ARID3B: variants seen among roughly 807,000 people sequenced by gnomAD.
ARID3B encodes AT-rich interactive domain-containing protein 3B.
Under a neutral mutation model 51.9 loss-of-function variants are expected in ARID3B, and 10 were observed. That is an observed-to-expected ratio of 0.19 (90% CI 0.12 to 0.33). The LOEUF is 0.33. Among genes scored for constraint, ARID3B ranks in the 10% least tolerant of loss-of-function variants. The pLI is 1.00. For missense variants in ARID3B, 483 were observed against 716.3 expected (o/e 0.67, Z 3.72); for synonymous variants, 205 against 279.5 (o/e 0.73, Z 2.66).
intron 2 of ARID3B, among the ~76,000 whole-genome samples, chr15:74,571,658 C>T (rs543484554): frequency 2.6e-5 from 4 of 152,306 alleles, no homozygotes; most frequent in South Asian, 2.1e-4. Flanking sequence ...AAATAAGATA[C>T]CTTTCCTTTC....
Position 74,543,948 on chromosome 15 carries a change from T to TCAG in ARID3B, c.36_38dup (p.Gln15dup), listed in dbSNP as rs574173186. 27,494 of 1,607,340 alleles carry TCAG rather than the reference T, an allele frequency of 0.017. 185 individuals carry two copies. Among genetic ancestry groups the TCAG allele is most frequent in the Non-Finnish European group, 0.021 (24,267 of 1,176,900 alleles). ...AGCTTGAGGCAAAAATGGAGCCACT[T>TCAG]CAGCAGCAGCAGCAGCAGCAGCAGC... is the stretch of plus-strand genomic sequence containing the variant. On this transcript the variant is annotated inframe_insertion, in exon 2 of 9. Coordinates refer to ENST00000346246, the MANE Select transcript of ARID3B (RefSeq NM_006465.4).
At chr15:74,579,870 T>TGCGCGC (rs1359997035) in intron 4 of ARID3B, among the ~76,000 whole-genome samples, 5 of 121,678 alleles carry the variant, frequency 4.1e-5, no homozygotes, top group African/African-American at 1.7e-4. Flanking sequence ...TGTGTGTGTG[T>TGCGCGC]GTGCGCGCGC....
chr15:74,594,060 AC>A (rs1470842296), intron 8 of ARID3B, among the ~76,000 whole-genome samples: 20 of 151,878 alleles, frequency 1.3e-4, no homozygotes, highest in Admixed American at 2.0e-4. Flanking sequence ...AAAAAAAAAA[AC>A]AAAACTTAAT....
chr15:74,594,404 C>T (rs1463826291), intron 8 of ARID3B, among the ~76,000 whole-genome samples: 3 of 151,974 alleles, frequency 2.0e-5, no homozygotes, highest in East Asian at 3.9e-4. Context: ...GCTGAGATCG[C>T]GCCACTGCAC....
Position 74,543,839 on chromosome 15 carries a change from T to C in ARID3B, c.-77-21T>C, listed in dbSNP as rs2061603593. ...GTTGTTTTTTCCCCCTCCTTCTTTGTGGTTTCTGTTAATCACTAAGGTTTA... is the reference window on the plus strand; with the variant it reads ...GTTGTTTTTTCCCCCTCCTTCTTTGCGGTTTCTGTTAATCACTAAGGTTTA... On this transcript the variant is annotated intron_variant, in intron 1 of 8. Transcript: ENST00000346246. 6 of 1,462,188 alleles carry C rather than the reference T, an allele frequency of 4.1e-6. No homozygotes were observed. The East Asian group carries it at 1.4e-4, about 33-fold the overall frequency. 90.6% of individuals were successfully genotyped at this position (1,462,188 alleles called of 1,614,324 possible). A position where few individuals can be genotyped will look rare whatever the true frequency, so the allele number is the denominator to read the frequency against.
At chr15:74,575,727 G>T (rs921256300) in intron 4 of ARID3B, among the ~76,000 whole-genome samples, 3 of 152,092 alleles carry the variant, frequency 2.0e-5, no homozygotes, top group African/African-American at 7.2e-5. Context: ...GTAAATCTTT[G>T]TCCTGTCTTC....
In ARID3B at chr15:74,596,214, G is replaced by A. The variant is rs1173592147; in HGVS notation, c.*440G>A. ...CTCTTCCCCTGTTTTTAAGTCCCAT[G>A]TGGGGCTGCCAGGAGCCAAGAGCAT... On this transcript the variant is annotated 3_prime_UTR_variant, in exon 9 of 9. Coordinates refer to ENST00000346246, the MANE Select transcript of ARID3B (RefSeq NM_006465.4). 8.3e-6 allele frequency: 2 copies of A among 240,394 alleles called. No individual in the cohort carries two copies. The highest frequency in any genetic ancestry group is 4.4e-5 in the African/African-American group (2 of 45,468). 14.9% of individuals were successfully genotyped at this position (240,394 alleles called of 1,614,324 possible).
At chr15:74,585,156 G>T (rs1341812790) in intron 4 of ARID3B, among the ~76,000 whole-genome samples, 2 of 152,206 alleles carry the variant, frequency 1.3e-5, no homozygotes, top group Non-Finnish European at 2.9e-5. Context: ...GGCATGATGG[G>T]GGTGGAGATT....
chr15:74,591,258 G>T lies in ARID3B; in HGVS notation c.989G>T (p.Ser330Ile). 1 of 1,614,016 alleles carries T rather than the reference G, an allele frequency of 6.2e-7. No homozygotes were observed. Among genetic ancestry groups the T allele is most frequent in the Non-Finnish European group, 8.5e-7 (1 of 1,179,970 alleles). Residue 330 changes from serine to isoleucine, a missense_variant, in exon 6 of 9, where the codon AGC (serine) becomes ATC (isoleucine). Ser to Ile is a moderately radical substitution (Grantham distance 142, BLOSUM62 -2). Coordinates refer to ENST00000346246, the MANE Select transcript of ARID3B (RefSeq NM_006465.4). The surrounding 1 kb of genome is among the most constrained non-coding windows in gnomAD (Gnocchi z 5.8). ...AACCGCAGGGAGGGCCGGCGGCCCA[G>T]CTACAGCTCCTCCCTCTTTGGCTAC... ...DGNRREGRRPSYSSSLFGYSP... is the reference protein window; with the variant it reads ...DGNRREGRRPIYSSSLFGYSP...
At chr15:74,550,504 AAC>A (rs1169390550) in intron 2 of ARID3B, among the ~76,000 whole-genome samples, 5 of 151,806 alleles carry the variant, frequency 3.3e-5, no homozygotes, top group South Asian at 2.1e-4. Context: ...CATCTTGACT[AAC>A]ACAGTGAAAC....
At chr15:74,578,807 T>A (rs762584801) in intron 4 of ARID3B, among the ~76,000 whole-genome samples, 1 of 151,858 alleles carries the variant, frequency 6.6e-6, no homozygotes, top group Non-Finnish European at 1.5e-5. Context: ...GGTGGGAGGA[T>A]CACTTGAGCT....
At chr15:74,561,688 C>T (rs2061679992) in intron 2 of ARID3B, among the ~76,000 whole-genome samples, 1 of 152,198 alleles carries the variant, frequency 6.6e-6, no homozygotes, top group Admixed American at 6.5e-5. Context: ...CTTCAGAGCA[C>T]TGTGCTGAGG....
chr15:74,548,118 TG>T (rs1161264078), intron 2 of ARID3B, among the ~76,000 whole-genome samples: 1 of 152,182 alleles, frequency 6.6e-6, no homozygotes, highest in African/African-American at 2.4e-5. Context: ...CAGATTCCTA[TG>T]GGCAGAGTAA....
intron 2 of ARID3B, among the ~76,000 whole-genome samples, chr15:74,558,682 C>A (rs1596253868): frequency 6.6e-6 from 1 of 152,314 alleles, no homozygotes; most frequent in East Asian, 1.9e-4. Flanking sequence ...ATTATTATCT[C>A]TAATTCTTGG....
At chr15:74,548,250 A>T (rs2061623054) in intron 2 of ARID3B, among the ~76,000 whole-genome samples, 1 of 152,146 alleles carries the variant, frequency 6.6e-6, no homozygotes. Context: ...CTCTGGTAGA[A>T]GGTGGTTCAA....
chr15:74,553,798 T>C (rs988542561), intron 2 of ARID3B, among the ~76,000 whole-genome samples: 1 of 150,766 alleles, frequency 6.6e-6, no homozygotes, highest in African/African-American at 2.4e-5. Context: ...GTTTTGTTTT[T>C]TAATTTTTAT....
chr15:74,554,069 C>T (rs1274955917), intron 2 of ARID3B, among the ~76,000 whole-genome samples: 1 of 151,942 alleles, frequency 6.6e-6, no homozygotes, highest in Admixed American at 6.6e-5. Flanking sequence ...TGCAGTGGCA[C>T]GATCTTGGCT....
At position 74,597,384 on chromosome 15, in the gene ARID3B, T is replaced by C. The variant is rs2061831892; in HGVS notation, c.*1610T>C. ...TGGCAGCGTGGCTCGCATTCAGTCC[T>C]GTGTAGGAGAGGAAAGGGAATCAAA... On this transcript the variant is annotated 3_prime_UTR_variant, in exon 9 of 9. Coordinates refer to ENST00000346246, the MANE Select transcript of ARID3B (RefSeq NM_006465.4). The C allele has an allele frequency of 2.3e-6, 1 of 442,626 alleles. No individual in the cohort carries two copies. The allele number at this position is 442,626 out of a possible 1,614,324, so 27.4% of individuals were successfully genotyped here. A position where few individuals can be genotyped will look rare whatever the true frequency, so the allele number is the denominator to read the frequency against.
chr15:74,577,289 A>G (rs2061741586), intron 4 of ARID3B, among the ~76,000 whole-genome samples: 1 of 151,696 alleles, frequency 6.6e-6, no homozygotes, highest in Admixed American at 6.6e-5. Flanking sequence ...GGGCAACGTA[A>G]CAAGACCCCA....
Sources: allele counts gnomAD v4.1 joint callset (sites outside exome capture counted in the v4.1 genomes callset), GRCh38; gene constraint gnomAD v4.1.1; non-coding constraint Gnocchi (gnomAD v3.1); transcripts MANE v1.5; gene names NCBI Gene and HGNC (gene_info 2026-07-23, HGNC 2026-07-21).